MARS1: variants seen among roughly 807,000 people sequenced by gnomAD.
The protein encoded by MARS1 is methionine--tRNA ligase, cytoplasmic.
A neutral mutation model predicts 119.5 loss-of-function variants in MARS1; 80 were observed. The observed-to-expected ratio is 0.67, with a 90% confidence interval of 0.56 to 0.81. The LOEUF (loss-of-function observed/expected upper bound fraction) is 0.81, where lower values mean the gene tolerates loss of function less well. Among genes scored for constraint, MARS1 ranks in the 30% least tolerant of loss-of-function variants. The probability of loss-of-function intolerance (pLI) is 0.00; values close to 1 mark genes in which losing one functional copy is unlikely to be tolerated. For missense variants in MARS1, 945 were observed against 1,116.5 expected (o/e 0.85, Z 2.19); for synonymous variants, 418 against 433.4 (o/e 0.96, Z 0.44).
At position 57,489,535 on chromosome 12, in the gene MARS1, C is replaced by T. The variant is rs1197346687; in HGVS notation, c.391C>T (p.Gln131Ter). The change falls in exon 4 of 21, where the codon CAG (glutamine) becomes TAG (stop). Residue 131 changes from glutamine (Q) to a stop codon, truncating the protein, a stop_gained. Transcript: ENST00000262027. LOFTEE classifies it high-confidence loss of function. ...TCACATTGACCACAGCTTGAGTCGT[C>T]AGAACTGTCCTTTCCTGGCTGGGGT... ...LTHIDHSLSR[Q>*]NCPFLAGETE... The T allele has an allele frequency of 1.2e-6, 2 of 1,614,138 alleles. No individual in the cohort carries two copies. Among genetic ancestry groups the T allele is most frequent in the Admixed American group, 1.7e-5 (1 of 60,008 alleles).
chr12:57,501,350 T>A (rs922135021), intron 10 of MARS1, among the ~76,000 whole-genome samples: 5 of 152,234 alleles, frequency 3.3e-5, no homozygotes, highest in Non-Finnish European at 5.9e-5. Context: ...AATGACAAGC[T>A]GCTCTGTGGA....
In MARS1 at chr12:57,515,615, G is replaced by A. The variant is rs76477870; in HGVS notation, c.2391+279G>A. The A allele has an allele frequency of 3.2e-3, 1,819 of 564,676 alleles. 8 individuals carry two copies. The highest frequency in any genetic ancestry group is 9.9e-3 in the Admixed American group (294 of 29,736). 35.0% of individuals were successfully genotyped at this position (564,676 alleles called of 1,614,324 possible). ...CTAGTCTCCATAATGCTAGCAGATA[G>A]TGGGCAGGGAAAATACAGGAAAGCC... On this transcript the variant is annotated intron_variant, in intron 18 of 20. Transcript: ENST00000262027.
chr12:57,507,419 T>G (rs1308847832), intron 11 of MARS1, among the ~76,000 whole-genome samples: 1 of 74,690 alleles, frequency 1.3e-5, no homozygotes. Flanking sequence ...CACTTCCCAG[T>G]AGGGGTGGCC....
In MARS1 at chr12:57,498,385, CG is replaced by C; in HGVS notation, c.888-31del. The C allele has an allele frequency of 2.5e-6, 4 of 1,606,018 alleles. No individual in the cohort carries two copies. In the South Asian group the frequency reaches 3.3e-5, roughly 13 times the overall value. On this transcript the variant is annotated intron_variant, in intron 8 of 20. Transcript: ENST00000262027. ...TCCCAAGGACAAGGAAGCGCTGAAG[CG>C]GGGCCCCCTAGCGATCACCATATTC...
At chr12:57,493,863 T>TAA (rs1876399029) in intron 7 of MARS1, among the ~76,000 whole-genome samples, 2 of 22,304 alleles carry the variant, frequency 9.0e-5, no homozygotes, top group Non-Finnish European at 1.6e-4. Context: ...TATATTTATA[T>TAA]TATATAATAT....
rs1393702143 is a variant in MARS1, at chr12:57,507,470, C to G, written c.1368+3171C>G. Among the ~76,000 whole-genome samples, 4 of 56,960 alleles carry G rather than the reference C, an allele frequency of 7.0e-5. 1 individual carries two copies. Among genetic ancestry groups the G allele is most frequent in the Admixed American group, 7.0e-4 (4 of 5,736 alleles). The allele number at this position is 56,960 out of a possible 152,430, so 37.4% of individuals were successfully genotyped here. A position where few individuals can be genotyped will look rare whatever the true frequency, so the allele number is the denominator to read the frequency against. Reference sequence around the variant, plus strand: ...TCACCTCCCGGACGGGGCGGCTGGCCGGGCGGGGGGCTGACCCCCCCCCCA... The same window carrying G: ...TCACCTCCCGGACGGGGCGGCTGGCGGGGCGGGGGGCTGACCCCCCCCCCA... On this transcript the variant is annotated intron_variant, in intron 11 of 20. Transcript: ENST00000262027.
In MARS1 at chr12:57,489,463, G is replaced by A. The variant is rs771299467; in HGVS notation, c.319G>A (p.Gly107Ser). Residue 107 changes from glycine to serine, a missense_variant, in exon 4 of 21, where the codon GGC (glycine) becomes AGC (serine). By Grantham distance (56) the Gly-to-Ser change is moderately conservative. Transcript: ENST00000262027. ...SAALYYLVVQ[G>S]KKGEDVLGSV... is the part of the protein sequence containing the mutation. ...TGCCCTGTACTATTTAGTGGTCCAA[G>A]GCAAGAAGGGGGAAGATGTTCTTGG... 1.2e-5 allele frequency: 20 copies of A among 1,614,174 alleles called. No homozygotes were observed. Among genetic ancestry groups the A allele is most frequent in the Non-Finnish European group, 1.7e-5 (20 of 1,180,022 alleles).
At chr12:57,515,359 C>G in intron 18 of MARS1, 23 bp downstream of exon 18, 1 of 1,606,166 alleles carries the variant, frequency 6.2e-7, no homozygotes, top group Non-Finnish European at 8.5e-7. Context: ...GCCAGCCTCT[C>G]TTAAAATTGA....
rs1382399935 is a variant in MARS1 at position 57,490,011 on chromosome 12, T to C, written c.490+40T>C. The C allele has an allele frequency of 1.9e-6, 3 of 1,587,810 alleles. No individual in the cohort carries two copies. The African/African-American group carries it at 4.0e-5, about 21-fold the overall frequency. Reference sequence around the variant, plus strand: ...TATCACTCCAACCCTAGGAGCTTGGTGTAGGGGTTACAGAATGGGCAGTAG... The same window carrying C: ...TATCACTCCAACCCTAGGAGCTTGGCGTAGGGGTTACAGAATGGGCAGTAG... On this transcript the variant is annotated intron_variant, in intron 5 of 20. Transcript: ENST00000262027.
intron 15 of MARS1, 76 bp downstream of exon 15, chr12:57,513,040 G>C: frequency 4.9e-6 from 6 of 1,233,112 alleles, no homozygotes; most frequent in Non-Finnish European, 7.2e-6. Flanking sequence ...TGGGAATGTG[G>C]AGAGAACTAG....
rs1334967408 is a variant in MARS1, at chr12:57,515,327, G to C, written c.2382G>C (p.Gln794His). 1.2e-6 allele frequency: 2 copies of C among 1,612,742 alleles called. No individual in the cohort carries two copies. Among genetic ancestry groups the C allele is most frequent in the Admixed American group, 3.3e-5 (2 of 59,976 alleles). The stretch of plus-strand genomic sequence containing the variant: ...TGTGTACCTTACCAGCAGGACACCA[G>C]ATTGGCACAGTAGGTGGAAGAGCCA... ...NFLCTLPAGHQIGTVSPLFQK... is the reference protein window; with the variant it reads ...NFLCTLPAGHHIGTVSPLFQK... Residue 794 changes from glutamine to histidine, a missense_variant, in exon 18 of 21, where the codon CAG becomes CAC. By Grantham distance (24) the Gln-to-His change is conservative. Coordinates refer to ENST00000262027, the MANE Select transcript of MARS1 (RefSeq NM_004990.4).
chr12:57,490,784 T>C, intron 7 of MARS1, 140 bp downstream of exon 7: 3 of 542,580 alleles, frequency 5.5e-6, no homozygotes, highest in South Asian at 2.6e-5. Context: ...ACATCTCTTT[T>C]TTTTTTTTTT....
At chr12:57,498,772 T>A in intron 9 of MARS1, 149 bp downstream of exon 9, 1 of 726,538 alleles carries the variant, frequency 1.4e-6, no homozygotes, top group African/African-American at 1.7e-5. Context: ...TATCCAGGCA[T>A]TTTTGAGGGA....
chr12:57,498,316 G>A (rs1202222806), intron 8 of MARS1, 43 bp downstream of exon 8: 8 of 1,597,362 alleles, frequency 5.0e-6, no homozygotes, highest in South Asian at 2.2e-5. Flanking sequence ...AGGGAAGGGC[G>A]GGTCCCAGGG....
At chr12:57,488,517 T>C in intron 1 of MARS1, 2 of 1,492,566 alleles carry the variant, frequency 1.3e-6, no homozygotes, top group Non-Finnish European at 1.8e-6. Context: ...CTCTGCTCTT[T>C]AGTTACTAGC....
chr12:57,508,767 G>A (rs1025555769), intron 11 of MARS1, among the ~76,000 whole-genome samples: 1 of 152,078 alleles, frequency 6.6e-6, no homozygotes, highest in Non-Finnish European at 1.5e-5. Flanking sequence ...TCACTATGTT[G>A]GCCAGGCTGG....
Position 57,515,944 on chromosome 12 carries a change from GAAAATGACC to G in MARS1, c.2418_2426del (p.Asn807_Gln809del), listed in dbSNP as rs1877789105. The G allele has an allele frequency of 6.2e-7, 1 of 1,613,944 alleles. No homozygotes were observed. The highest frequency in any genetic ancestry group is 1.3e-5 in the African/African-American group (1 of 74,910). The stretch of plus-strand genomic sequence containing the variant: ...GGTCAGTCCCTTGTTCCAAAAATTG[GAAAATGACC>G]AGATTGAAAGTTTAAGGCAGCGCTT... On this transcript the variant is annotated inframe_deletion, in exon 19 of 21. Coordinates refer to ENST00000262027, the MANE Select transcript of MARS1 (RefSeq NM_004990.4).
At chr12:57,492,634 G>A (rs1422345656) in intron 7 of MARS1, among the ~76,000 whole-genome samples, 1 of 151,680 alleles carries the variant, frequency 6.6e-6, no homozygotes, top group Non-Finnish European at 1.5e-5. Context: ...TTGCGCCAGT[G>A]TACTCCAGCC....
chr12:57,495,211 G>A (rs1190692795), intron 7 of MARS1, among the ~76,000 whole-genome samples: 45 of 150,138 alleles, frequency 3.0e-4, no homozygotes, highest in African/African-American at 1.0e-3. Flanking sequence ...CTGGCCAGGC[G>A]GGCGCTGCCC....
Sources: gnomAD v4.1 joint callset for allele counts (sites outside exome capture counted in the v4.1 genomes callset) on GRCh38, gnomAD v4.1.1 for gene constraint, MANE v1.5 for transcripts, NCBI Gene and HGNC (gene_info 2026-07-23, HGNC 2026-07-21) for gene names.